Variants in DEFB124 observed in about 807,000 individuals in gnomAD.
The protein encoded by DEFB124 is defensin beta 124.
For synonymous variants in DEFB124, 38 were observed against 36.5 expected (o/e 1.04, Z -0.15); for missense variants, 78 against 83.1 (o/e 0.94, Z 0.24).
chr20:31,471,166 C>G (rs185199295), intron 2 of DEFB124, among the ~76,000 whole-genome samples: 54 of 130,710 alleles, frequency 4.1e-4, no homozygotes, highest in African/African-American at 1.6e-3. Context: ...CCGGACGAGG[C>G]GGCTGGCTGG....
intron 2 of DEFB124, among the ~76,000 whole-genome samples, chr20:31,468,765 G>A (rs539264102): frequency 6.6e-6 from 1 of 150,620 alleles, no homozygotes; most frequent in Non-Finnish European, 1.5e-5. Flanking sequence ...GTGAGCCACC[G>A]CGCCCGGCCA....
chr20:31,471,620 G>A, intron 2 of DEFB124, among the ~76,000 whole-genome samples: 1 of 148,858 alleles, frequency 6.7e-6, no homozygotes, highest in Non-Finnish European at 1.5e-5. Flanking sequence ...GTGGCTGCCG[G>A]GCAGAGGGGC....
rs1205785855 is a variant in DEFB124 at position 31,465,650 on chromosome 20, G to C, written c.72C>G (p.Phe24Leu). ...CCCCTTGACCCTTCCAGCACCGTTT[G>C]AATTCACTTCTCCCTAAACAGAGGA... ...LGHVPSGRSE[F>L]KRCWKGQGAC... Residue 24 changes from phenylalanine (F) to leucine (L), a missense_variant, in exon 3 of 3, where the codon TTC becomes TTG. Physicochemically the swap from Phe to Leu is conservative, Grantham distance 22. Transcript: ENST00000317676. 1 of 1,613,726 alleles carries C rather than the reference G, an allele frequency of 6.2e-7. No homozygotes were observed. Among genetic ancestry groups the C allele is most frequent in the Non-Finnish European group, 8.5e-7 (1 of 1,180,014 alleles).
At chr20:31,472,634 T>G (rs976165029) in intron 2 of DEFB124, 1 of 303,904 alleles carries the variant, frequency 3.3e-6, no homozygotes, top group African/African-American at 2.2e-5. Flanking sequence ...TTATTTTCTA[T>G]CTCCACCAAC....
chr20:31,472,905 A>G, intron 2 of DEFB124, 51 bp downstream of exon 2: 1 of 1,579,750 alleles, frequency 6.3e-7, no homozygotes, highest in Admixed American at 1.8e-5. Flanking sequence ...TCATTTTTAC[A>G]AGCACACATG....
At chr20:31,470,859 G>A (rs1321239647) in intron 2 of DEFB124, among the ~76,000 whole-genome samples, 14 of 140,978 alleles carry the variant, frequency 9.9e-5, no homozygotes, top group East Asian at 4.6e-4. Flanking sequence ...CTCCCGGACG[G>A]GGCGGCTGGC....
At chr20:31,471,691 C>T (rs1342307208) in intron 2 of DEFB124, among the ~76,000 whole-genome samples, 7 of 147,032 alleles carry the variant, frequency 4.8e-5, no homozygotes, top group African/African-American at 1.0e-4. Context: ...TCAGACGGGG[C>T]GGCTGGGCAG....
At chr20:31,470,525 T>C (rs868262764) in intron 2 of DEFB124, among the ~76,000 whole-genome samples, 286 of 71,376 alleles carry the variant, frequency 4.0e-3, no homozygotes, top group African/African-American at 7.5e-3. Flanking sequence ...CGCCCCTCAC[T>C]TCCCGGACGG....
chr20:31,473,042 G>A lies in DEFB124; in HGVS notation c.-25-4C>T. On this transcript the variant is annotated splice_polypyrimidine_tract_variant and splice_region_variant and intron_variant, in intron 1 of 2. Coordinates refer to ENST00000317676, the MANE Select transcript of DEFB124 (RefSeq NM_001037500.2). ...CACGGGGCTCCTGGGGAGGCTGCTG[G>A]AGAGAGCACAAGAGGAAAGACCCGA... The A allele has an allele frequency of 6.2e-7, 1 of 1,612,512 alleles. No individual in the cohort carries two copies. Among genetic ancestry groups the A allele is most frequent in the Non-Finnish European group, 8.5e-7 (1 of 1,179,556 alleles).
chr20:31,470,529 C>T (rs1188288411), intron 2 of DEFB124, among the ~76,000 whole-genome samples: 15 of 132,418 alleles, frequency 1.1e-4, no homozygotes, highest in African/African-American at 3.8e-4. Context: ...CCTCACTTCC[C>T]GGACGGGGCG....
intron 2 of DEFB124, among the ~76,000 whole-genome samples, chr20:31,470,123 C>A (rs1450985739): frequency 9.7e-5 from 11 of 113,102 alleles, no homozygotes; most frequent in Non-Finnish European, 1.3e-4. Flanking sequence ...GGCCGGGCAG[C>A]GGGGCGCCTC....
intron 2 of DEFB124, among the ~76,000 whole-genome samples, chr20:31,466,539 G>C (rs998326611): frequency 1.3e-5 from 2 of 150,532 alleles, no homozygotes; most frequent in East Asian, 3.9e-4. Flanking sequence ...GGCGGAGGCT[G>C]CAGTGAGCCA....
At chr20:31,466,622 T>A (rs972609221) in intron 2 of DEFB124, among the ~76,000 whole-genome samples, 2 of 148,536 alleles carry the variant, frequency 1.3e-5, no homozygotes, top group Non-Finnish European at 1.5e-5. Context: ...TATATATATA[T>A]AAAACCTTAT....
intron 2 of DEFB124, among the ~76,000 whole-genome samples, chr20:31,471,046 G>A (rs1234495381): frequency 7.8e-6 from 1 of 128,764 alleles, no homozygotes; most frequent in Non-Finnish European, 1.8e-5. Flanking sequence ...GGCTGGCCGG[G>A]CGGGGGGCTG....
chr20:31,471,451 GCGGGGGAC>G, intron 2 of DEFB124, among the ~76,000 whole-genome samples: 9 of 114,330 alleles, frequency 7.9e-5, no homozygotes, highest in African/African-American at 3.1e-4. Flanking sequence ...GGCTGGCCGG[GCGGGGGAC>G]TGACCCCCCC....
At chr20:31,474,244 G>A (rs1036727663) in intron 1 of DEFB124, among the ~76,000 whole-genome samples, 2 of 152,212 alleles carry the variant, frequency 1.3e-5, no homozygotes, top group African/African-American at 4.8e-5. Context: ...CTGCAGAGAT[G>A]GAAAAGCCAA....
In DEFB124 at chr20:31,473,030, G is replaced by C. The variant is rs1265382113; in HGVS notation, c.-17C>G. On this transcript the variant is annotated 5_prime_UTR_variant, in exon 2 of 3. Transcript: ENST00000317676. ...CTGTGTCATGGCCACGGGGCTCCTG[G>C]GGAGGCTGCTGGAGAGAGCACAAGA... The C allele has an allele frequency of 1.2e-6, 2 of 1,613,814 alleles. No individual in the cohort carries two copies. The highest frequency in any genetic ancestry group is 1.7e-6 in the Non-Finnish European group (2 of 1,179,956).
chr20:31,473,129 G>A, intron 1 of DEFB124, 91 bp from the exon 2 acceptor site: 1 of 1,184,896 alleles, frequency 8.4e-7, no homozygotes. Context: ...AGGCAGTGCT[G>A]TGGGCAGCAG....
At chr20:31,472,815 G>T in intron 2 of DEFB124, 141 bp downstream of exon 2, 1 of 999,344 alleles carries the variant, frequency 1.0e-6, no homozygotes, top group Non-Finnish European at 1.4e-6. Flanking sequence ...GCTCTAAGTT[G>T]CCCACCAAGT....
Sources: allele counts gnomAD v4.1 joint callset (sites outside exome capture counted in the v4.1 genomes callset), GRCh38; gene constraint gnomAD v4.1.1; transcripts MANE v1.5; gene names NCBI Gene and HGNC (gene_info 2026-07-23, HGNC 2026-07-21).